Variants in CCDC73 observed in about 807,000 individuals in gnomAD.
The protein encoded by CCDC73 is coiled-coil domain-containing protein 73.
Under a neutral mutation model 116.5 loss-of-function variants are expected in CCDC73, and 95 were observed. The observed-to-expected ratio is 0.82, with a 90% CI of 0.69 to 0.97. The LOEUF is 0.97. Ranked by LOEUF, CCDC73 falls within the 50% of genes least tolerant of loss-of-function variation. CCDC73 has a pLI of 0.00. For missense variants in CCDC73, 1,066 were observed against 1,206.8 expected, an observed-to-expected ratio of 0.88 and a Z score of 1.73; for synonymous variants, 398 against 401.3, an observed-to-expected ratio of 0.99 and a Z score of 0.10.
chr11:32,698,281 C>G (rs975354634), intron 6 of CCDC73, among the ~76,000 whole-genome samples: 1 of 152,124 alleles, frequency 6.6e-6, no homozygotes, highest in African/African-American at 2.4e-5. Flanking sequence ...GCCTCGGCCT[C>G]CCAAAGTGCT....
the CCDC73 span, among the ~76,000 whole-genome samples, chr11:32,808,605 C>T: frequency 6.6e-6 from 1 of 151,338 alleles, no homozygotes; most frequent in Non-Finnish European, 1.5e-5. Flanking sequence ...TGCCACTGCA[C>T]TCCAGCCTAG....
chr11:32,673,674 C>A (rs1420678892), intron 9 of CCDC73, among the ~76,000 whole-genome samples: 1 of 152,220 alleles, frequency 6.6e-6, no homozygotes, highest in Non-Finnish European at 1.5e-5. Flanking sequence ...GAATTCCTAA[C>A]TTTGGCCTCA....
chr11:32,777,562 C>A (rs576465969), intron 1 of CCDC73, among the ~76,000 whole-genome samples: 2 of 152,230 alleles, frequency 1.3e-5, no homozygotes, highest in Non-Finnish European at 2.9e-5. Flanking sequence ...ATTAACAACC[C>A]TAACAGGGTA....
intron 7 of CCDC73, chr11:32,680,719 T>G (rs1228711135): frequency 3.3e-5 from 5 of 152,074 alleles, no homozygotes; most frequent in Admixed American, 3.3e-4. Flanking sequence ...TAAAATTAGT[T>G]TCCCTTAAAA....
chr11:32,709,127 T>G (rs1305066046), intron 3 of CCDC73, among the ~76,000 whole-genome samples: 1 of 152,214 alleles, frequency 6.6e-6, no homozygotes, highest in African/African-American at 2.4e-5. Context: ...TGCTGGATTT[T>G]GCCAAATACT....
At chr11:32,662,151 G>A (rs2133271848) in intron 9 of CCDC73, among the ~76,000 whole-genome samples, 1 of 152,310 alleles carries the variant, frequency 6.6e-6, no homozygotes, top group East Asian at 1.9e-4. Flanking sequence ...ACATACGTGT[G>A]CATGTGTCTT....
chr11:32,616,759 A>T (rs774519793), intron 14 of CCDC73, among the ~76,000 whole-genome samples: 1 of 152,218 alleles, frequency 6.6e-6, no homozygotes, highest in East Asian at 1.9e-4. Context: ...TTGGGATACA[A>T]TGATGAACAA....
chr11:32,722,410 T>C (rs141612340), intron 2 of CCDC73, among the ~76,000 whole-genome samples: 25 of 152,268 alleles, frequency 1.6e-4, no homozygotes, highest in Admixed American at 3.9e-4. Flanking sequence ...GGGAAGTACA[T>C]TGGATCTTTA....
chr11:32,766,839 C>G (rs1850447110), intron 1 of CCDC73, among the ~76,000 whole-genome samples: 1 of 151,838 alleles, frequency 6.6e-6, no homozygotes, highest in African/African-American at 2.4e-5. Flanking sequence ...ACAAATGGAA[C>G]AACATTCCAT....
intron 5 of CCDC73, among the ~76,000 whole-genome samples, chr11:32,699,898 AT>A (rs1849797240): frequency 1.3e-5 from 2 of 149,370 alleles, no homozygotes; most frequent in Admixed American, 1.3e-4. Flanking sequence ...ATATATATAT[AT>A]ATAAAAAGAA....
At chr11:32,808,506 G>C in the CCDC73 span, among the ~76,000 whole-genome samples, 143 of 152,322 alleles carry the variant, frequency 9.4e-4, no homozygotes, top group East Asian at 0.012. Context: ...AGGCGTGGTG[G>C]CATGTGCCTG....
intron 1 of CCDC73, 37 bp from the exon 2 acceptor site, chr11:32,760,295 T>C: frequency 1.7e-6 from 2 of 1,209,778 alleles, no homozygotes; most frequent in Non-Finnish European, 2.3e-6. Flanking sequence ...AAAAAAATTA[T>C]CTAGGTTTTT....
intron 17 of CCDC73, chr11:32,603,258 A>G (rs1001960059): frequency 2.6e-5 from 10 of 382,608 alleles, no homozygotes; most frequent in South Asian, 7.2e-5. Context: ...GCCTTTTACT[A>G]CTTCATGTTT....
intron 9 of CCDC73, among the ~76,000 whole-genome samples, chr11:32,663,982 T>C (rs1018914089): frequency 3.3e-5 from 5 of 152,194 alleles, no homozygotes; most frequent in Admixed American, 3.3e-4. Flanking sequence ...TGGATTACAC[T>C]TATTGATTTG....
Position 32,706,534 on chromosome 11 carries a change from A to G in CCDC73, c.208-3590T>C, listed in dbSNP as rs114952296. Reference sequence around the variant, plus strand: ...AGTACTTATACGCAGAAAGTACATTAGAAAAATAATTGTCATGGTCTAGCT... The same window carrying G: ...AGTACTTATACGCAGAAAGTACATTGGAAAAATAATTGTCATGGTCTAGCT... On this transcript the variant is annotated intron_variant, in intron 3 of 17. Coordinates refer to ENST00000335185, the MANE Select transcript of CCDC73 (RefSeq NM_001008391.4). 7.1e-3 allele frequency among the ~76,000 whole-genome samples: 1,088 copies of G among 152,352 alleles called. 17 individuals are homozygous for G. Among genetic ancestry groups the G allele is most frequent in the African/African-American group, 0.025 (1,049 of 41,582 alleles).
At chr11:32,716,338 T>C (rs1449534633) in intron 3 of CCDC73, among the ~76,000 whole-genome samples, 3 of 152,230 alleles carry the variant, frequency 2.0e-5, no homozygotes, top group African/African-American at 4.8e-5. Flanking sequence ...AATTATCTTA[T>C]GTATTTGGAT....
chr11:32,626,371 T>G (rs964030084), intron 14 of CCDC73, among the ~76,000 whole-genome samples: 13 of 151,712 alleles, frequency 8.6e-5, no homozygotes, highest in African/African-American at 1.2e-4. Flanking sequence ...TGGGTAGGAA[T>G]AATCAATATC....
chr11:32,766,641 T>A (rs906881668), intron 1 of CCDC73, among the ~76,000 whole-genome samples: 1 of 152,168 alleles, frequency 6.6e-6, no homozygotes, highest in Non-Finnish European at 1.5e-5. Context: ...ACAAAATCAA[T>A]GTGCAAAAAT....
At chr11:32,668,959 G>A (rs1856011888) in intron 9 of CCDC73, among the ~76,000 whole-genome samples, 1 of 152,132 alleles carries the variant, frequency 6.6e-6, no homozygotes, top group Admixed American at 6.5e-5. Flanking sequence ...GTACACAGTA[G>A]AAAACAAGTA....
Sources: allele counts gnomAD v4.1 joint callset (sites outside exome capture counted in the v4.1 genomes callset), GRCh38; gene constraint gnomAD v4.1.1; transcripts MANE v1.5; gene names NCBI Gene and HGNC (gene_info 2026-07-23, HGNC 2026-07-21).